The following EPHA6 variants were observed in gnomAD, a reference collection of about 807,000 sequenced individuals.
EPHA6 encodes ephrin type-A receptor 6.
A neutral mutation model predicts 112.0 loss-of-function variants in EPHA6; 50 were observed. The observed-to-expected ratio is 0.45, with a 90% CI of 0.36 to 0.56. The LOEUF (loss-of-function observed/expected upper bound fraction) is 0.56, where lower values mean the gene tolerates loss of function less well. EPHA6 is among the 20% of genes least tolerant of loss of function. EPHA6 has a pLI of 0.00. For synonymous variants in EPHA6, 529 were observed against 490.7 expected, an observed-to-expected ratio of 1.08 and a Z score of -1.03; for missense variants, 1,280 against 1,417.4, an observed-to-expected ratio of 0.90 and a Z score of 1.56.
chr3:97,395,853 A>C (rs2086665922), intron 5 of EPHA6, among the ~76,000 whole-genome samples: 1 of 151,708 alleles, frequency 6.6e-6, no homozygotes, highest in Non-Finnish European at 1.5e-5. Flanking sequence ...GCATCTTAGA[A>C]GAGAAAAAAG....
intron 5 of EPHA6, among the ~76,000 whole-genome samples, chr3:97,308,213 T>C (rs2081401664): frequency 6.6e-6 from 1 of 151,734 alleles, no homozygotes; most frequent in Admixed American, 6.6e-5. Flanking sequence ...TTCTCATCTG[T>C]ATGATTATAG....
intron 5 of EPHA6, among the ~76,000 whole-genome samples, chr3:97,302,658 C>T (rs537979873): frequency 6.6e-6 from 1 of 151,832 alleles, no homozygotes; most frequent in South Asian, 2.1e-4. Context: ...CACTGTTTAC[C>T]TCTCTAATAT....
At chr3:97,720,615 G>A (rs1412304224) in intron 15 of EPHA6, among the ~76,000 whole-genome samples, 8 of 152,218 alleles carry the variant, frequency 5.3e-5, no homozygotes, top group African/African-American at 1.4e-4. Context: ...GCTGTGCCAT[G>A]TGAGTGCCTG....
At chr3:97,203,840 AGTCTTTTGCT>A (rs2077642139) in intron 3 of EPHA6, among the ~76,000 whole-genome samples, 1 of 152,174 alleles carries the variant, frequency 6.6e-6, no homozygotes, top group Admixed American at 6.6e-5. Context: ...TTACCCCATT[AGTCTTTTGCT>A]TTAGAAAAAT....
At chr3:97,474,463 C>G (rs144385342) in intron 7 of EPHA6, among the ~76,000 whole-genome samples, 175 of 151,936 alleles carry the variant, frequency 1.2e-3, no homozygotes, top group African/African-American at 4.0e-3. Context: ...AGACAAAACC[C>G]TGAAAGACTG....
chr3:97,423,971 C>T (rs2088887092), intron 6 of EPHA6, among the ~76,000 whole-genome samples: 1 of 152,190 alleles, frequency 6.6e-6, no homozygotes, highest in African/African-American at 2.4e-5. Context: ...GAAACCGGCC[C>T]TCTTCTCTAT....
At chr3:97,266,501 A>G (rs9812378) in intron 5 of EPHA6, among the ~76,000 whole-genome samples, 1 of 151,948 alleles carries the variant, frequency 6.6e-6, no homozygotes, top group Non-Finnish European at 1.5e-5. Context: ...AGAAAATAAA[A>G]TCGGGCTTAA....
intron 1 of EPHA6, among the ~76,000 whole-genome samples, chr3:96,853,170 G>C (rs537913137): frequency 5.5e-4 from 84 of 152,140 alleles, no homozygotes; most frequent in Middle Eastern, 3.4e-3. Context: ...ATTACAGCTT[G>C]AGAGCAATAA....
intron 11 of EPHA6, among the ~76,000 whole-genome samples, chr3:97,537,641 C>T (rs1179526989): frequency 2.0e-5 from 3 of 152,090 alleles, no homozygotes; most frequent in East Asian, 3.9e-4. Context: ...TGCAGTGGCA[C>T]GATCTTGACT....
intron 3 of EPHA6, among the ~76,000 whole-genome samples, chr3:96,992,515 G>A (rs2043253647): frequency 1.3e-5 from 2 of 152,152 alleles, no homozygotes; most frequent in South Asian, 4.1e-4. Context: ...CTTCACTCAT[G>A]TATAATGCTT....
chr3:96,833,867 A>G (rs553348105), intron 1 of EPHA6, among the ~76,000 whole-genome samples: 2 of 152,182 alleles, frequency 1.3e-5, no homozygotes, highest in East Asian at 3.9e-4. Context: ...GCTACAAATT[A>G]CTAGACCTTA....
At chr3:97,207,331 T>G (rs1349661348) in intron 3 of EPHA6, among the ~76,000 whole-genome samples, 2 of 152,110 alleles carry the variant, frequency 1.3e-5, no homozygotes, top group Non-Finnish European at 1.5e-5. Context: ...GGTCTTAGAG[T>G]ATGAAAATTT....
At chr3:96,955,475 T>C (rs2041721944) in intron 2 of EPHA6, among the ~76,000 whole-genome samples, 1 of 152,204 alleles carries the variant, frequency 6.6e-6, no homozygotes, top group South Asian at 2.1e-4. Context: ...GAAACAGTTT[T>C]TGGTATATGA....
Position 97,202,538 on chromosome 3 carries a change from T to G in EPHA6, c.1115-23726T>G, listed in dbSNP as rs544977492. 3.9e-5 allele frequency among the ~76,000 whole-genome samples: 6 copies of G among 152,238 alleles called. No homozygotes were observed. In the East Asian group the frequency reaches 1.2e-3, roughly 30 times the overall value. The stretch of plus-strand genomic sequence containing the variant: ...TATTGGAGACAGGGTTTTGCCATGC[T>G]GGCCAGGCTTATCTTGAACTCCTGA... On this transcript the variant is annotated intron_variant, in intron 3 of 17. Transcript: ENST00000389672.
At chr3:97,307,807 GA>G (rs1344896907) in intron 5 of EPHA6, among the ~76,000 whole-genome samples, 1 of 151,482 alleles carries the variant, frequency 6.6e-6, no homozygotes, top group Non-Finnish European at 1.5e-5. Context: ...TTACATCTGT[GA>G]AATTCTACTA....
intron 2 of EPHA6, among the ~76,000 whole-genome samples, chr3:96,932,111 G>C (rs1290900346): frequency 1.3e-5 from 2 of 152,060 alleles, no homozygotes; most frequent in African/African-American, 4.8e-5. Context: ...GGGGGTGGGG[G>C]TTCCTTGGCT....
At chr3:97,246,913 T>A (rs1397909188) in intron 5 of EPHA6, among the ~76,000 whole-genome samples, 1 of 151,968 alleles carries the variant, frequency 6.6e-6, no homozygotes, top group Admixed American at 6.6e-5. Context: ...GTATCAGATA[T>A]CCTTTCCATT....
At chr3:97,521,587 G>A (rs1379875615) in intron 10 of EPHA6, among the ~76,000 whole-genome samples, 4 of 152,142 alleles carry the variant, frequency 2.6e-5, no homozygotes, top group Admixed American at 6.5e-5. Context: ...CATGAGAACA[G>A]CATGGGGAAA....
chr3:97,457,087 T>C (rs1263276165), intron 7 of EPHA6, among the ~76,000 whole-genome samples: 2 of 152,178 alleles, frequency 1.3e-5, no homozygotes, highest in African/African-American at 4.8e-5. Flanking sequence ...AATAACAGTA[T>C]GGAGGCCTAT....
Sources: gnomAD v4.1 joint callset for allele counts (sites outside exome capture counted in the v4.1 genomes callset) on GRCh38, gnomAD v4.1.1 for gene constraint, MANE v1.5 for transcripts, NCBI Gene and HGNC (gene_info 2026-07-23, HGNC 2026-07-21) for gene names.